Variants in SHLD1 observed in about 807,000 individuals in gnomAD.
The protein encoded by SHLD1 is shieldin complex subunit 1.
In SHLD1, 3 loss-of-function variants were observed where a neutral mutation model predicts 5.5. That is an observed-to-expected ratio of 0.54 (90% CI 0.25 to 1.40). The LOEUF (loss-of-function observed/expected upper bound fraction) is 1.40. Ranked by LOEUF, SHLD1 falls within the 40% of genes most tolerant of loss-of-function variation. The pLI is 0.15. For synonymous variants in SHLD1, 92 were observed against 94.3 expected (o/e 0.98, Z 0.14); for missense variants, 210 against 244.4 (o/e 0.86, Z 0.94).
At chr20:5,786,055 C>T (rs2087055833) in intron 2 of SHLD1, among the ~76,000 whole-genome samples, 1 of 152,066 alleles carries the variant, frequency 6.6e-6, no homozygotes, top group African/African-American at 2.4e-5. Context: ...AGCAGTACCC[C>T]AAAATGAAGG....
intron 2 of SHLD1, among the ~76,000 whole-genome samples, chr20:5,837,716 T>G (rs2087807486): frequency 2.6e-5 from 4 of 152,212 alleles, no homozygotes; most frequent in South Asian, 4.1e-4. Context: ...ACCAGAAGCC[T>G]TACAGATCAT....
chr20:5,784,511 C>T (rs542269977), intron 2 of SHLD1, among the ~76,000 whole-genome samples: 10 of 151,836 alleles, frequency 6.6e-5, no homozygotes, highest in South Asian at 4.1e-4. Flanking sequence ...AGTGCAGTGG[C>T]GCGATCTCGG....
At chr20:5,795,646 A>G (rs886232905) in intron 2 of SHLD1, among the ~76,000 whole-genome samples, 1 of 150,698 alleles carries the variant, frequency 6.6e-6, no homozygotes, top group Non-Finnish European at 1.5e-5. Context: ...AAGTTTCATA[A>G]CTACACAGAA....
At chr20:5,803,217 G>A (rs1446584843) in intron 2 of SHLD1, among the ~76,000 whole-genome samples, 2 of 151,876 alleles carry the variant, frequency 1.3e-5, no homozygotes, top group Admixed American at 6.6e-5. Flanking sequence ...CCAGGTTAGA[G>A]TATAGTGGCG....
Position 5,817,432 on chromosome 20 carries a change from C to CTCTCTCTG in SHLD1, c.178+44390_178+44391insCTCTCTGT, listed in dbSNP as rs1473391202. On this transcript the variant is annotated intron_variant, in intron 2 of 2. Coordinates refer to ENST00000303142, the MANE Select transcript of SHLD1 (RefSeq NM_152504.4). ...TCTCTCTCTCTCTCTCTCTCTCTCT[C>CTCTCTCTG]TGTGTGTGTGTGTGTGTGTGTGTGT... is the stretch of plus-strand genomic sequence containing the variant. 5.5e-3 allele frequency among the ~76,000 whole-genome samples: 470 copies of CTCTCTCTG among 85,628 alleles called. 5 individuals are homozygous for CTCTCTCTG. The highest frequency in any genetic ancestry group is 0.018 in the African/African-American group (318 of 17,978). The allele number at this position is 85,628 out of a possible 152,430, so 56.2% of individuals were successfully genotyped here. A position where few individuals can be genotyped will look rare whatever the true frequency, so the allele number is the denominator to read the frequency against.
intron 2 of SHLD1, among the ~76,000 whole-genome samples, chr20:5,830,212 A>C (rs1169551927): frequency 1.3e-5 from 2 of 152,210 alleles, no homozygotes; most frequent in Non-Finnish European, 2.9e-5. Context: ...CCCTAACTAG[A>C]AACTCTATAC....
At chr20:5,845,224 A>C (rs545644384) in intron 2 of SHLD1, among the ~76,000 whole-genome samples, 1 of 152,334 alleles carries the variant, frequency 6.6e-6, no homozygotes, top group East Asian at 1.9e-4. Context: ...CTAATTATAA[A>C]GTATCTTTTA....
chr20:5,791,976 CAT>C (rs1238211700), intron 2 of SHLD1, among the ~76,000 whole-genome samples: 3 of 152,186 alleles, frequency 2.0e-5, no homozygotes, highest in African/African-American at 2.4e-5. Context: ...ATATTTTCCA[CAT>C]GTTTATTGGC....
chr20:5,781,837 C>T lies in SHLD1; in HGVS notation c.178+8794C>T, dbSNP rs116043920. On this transcript the variant is annotated intron_variant, in intron 2 of 2. Coordinates refer to ENST00000303142, the MANE Select transcript of SHLD1 (RefSeq NM_152504.4). ...TCAAAAAGCTCCTCTGCCTTGTTTT[C>T]GGGACTCTGTGTAATCTGCTGCCTG... 8.9e-3 allele frequency among the ~76,000 whole-genome samples: 1,360 copies of T among 152,230 alleles called. 19 individuals carry two copies. Among genetic ancestry groups the T allele is most frequent in the African/African-American group, 0.029 (1,222 of 41,550 alleles).
intron 2 of SHLD1, among the ~76,000 whole-genome samples, chr20:5,782,158 T>G (rs996716352): frequency 6.6e-6 from 1 of 152,220 alleles, no homozygotes; most frequent in African/African-American, 2.4e-5. Flanking sequence ...GACTTGCTGC[T>G]GGACTTGAAC....
intron 2 of SHLD1, among the ~76,000 whole-genome samples, chr20:5,846,424 G>A (rs1359488500): frequency 3.9e-5 from 6 of 152,180 alleles, no homozygotes; most frequent in Non-Finnish European, 8.8e-5. Context: ...TGACTTGGCC[G>A]CAGTAAACAG....
At chr20:5,805,436 C>T (rs1048030385) in intron 2 of SHLD1, among the ~76,000 whole-genome samples, 3 of 151,926 alleles carry the variant, frequency 2.0e-5, no homozygotes, top group South Asian at 2.1e-4. Flanking sequence ...AGATTACAGG[C>T]GTGAGACCCC....
Position 5,820,911 on chromosome 20 carries a change from T to G in SHLD1, c.179-42113T>G, listed in dbSNP as rs545090818. On this transcript the variant is annotated intron_variant, in intron 2 of 2. Coordinates refer to ENST00000303142, the MANE Select transcript of SHLD1 (RefSeq NM_152504.4). ...ATATTGTCCTAGATCTAGGCTGTCT[T>G]AGAGCTACACAAAGAATTTCCAGCA... Among the ~76,000 whole-genome samples, 10 of 152,250 alleles carry G rather than the reference T, an allele frequency of 6.6e-5. No individual in the cohort carries two copies. In the South Asian group the frequency reaches 2.1e-3, roughly 32 times the overall value.
At chr20:5,758,577 C>A (rs183280556) in intron 1 of SHLD1, among the ~76,000 whole-genome samples, 1 of 151,906 alleles carries the variant, frequency 6.6e-6, no homozygotes, top group Non-Finnish European at 1.5e-5. Context: ...TGTCATCATG[C>A]CTGGCTAATT....
At chr20:5,847,592 C>A (rs1287070) in intron 2 of SHLD1, among the ~76,000 whole-genome samples, 57,186 of 151,978 alleles carry the variant, frequency 0.38, 12,949 homozygotes, top group African/African-American at 0.64. Flanking sequence ...AAAGTAGGAA[C>A]ATGGTCAATA....
At chr20:5,814,609 C>T (rs1219671534) in intron 2 of SHLD1, among the ~76,000 whole-genome samples, 1 of 149,926 alleles carries the variant, frequency 6.7e-6, no homozygotes, top group East Asian at 2.0e-4. Context: ...AACATCCTTT[C>T]AAGTAAGTTC....
chr20:5,853,842 CT>C (rs753008247), intron 2 of SHLD1, among the ~76,000 whole-genome samples: 3,460 of 141,786 alleles, frequency 0.024, 105 homozygotes, highest in African/African-American at 0.075. Flanking sequence ...TCCACGTCTA[CT>C]TTTTTTTTTT....
chr20:5,821,873 G>A (rs1434081901), intron 2 of SHLD1, among the ~76,000 whole-genome samples: 1 of 152,160 alleles, frequency 6.6e-6, no homozygotes, highest in Non-Finnish European at 1.5e-5. Context: ...CGTGAGAGAG[G>A]GAGACAGCCA....
At chr20:5,778,045 G>A (rs1985510663) in intron 2 of SHLD1, among the ~76,000 whole-genome samples, 1 of 151,704 alleles carries the variant, frequency 6.6e-6, no homozygotes, top group Non-Finnish European at 1.5e-5. Flanking sequence ...AGGGCTGTGA[G>A]TGGTGGCTCA....
Sources: allele counts gnomAD v4.1 joint callset (sites outside exome capture counted in the v4.1 genomes callset), GRCh38; gene constraint gnomAD v4.1.1; transcripts MANE v1.5; gene names NCBI Gene and HGNC (gene_info 2026-07-23, HGNC 2026-07-21).